The following P2RX3 variants were observed in gnomAD, a reference collection of about 807,000 sequenced individuals.
P2RX3 encodes the protein purinergic receptor P2X 3.
In P2RX3, 41 loss-of-function variants were observed where a neutral mutation model predicts 51.5. That is an observed-to-expected ratio of 0.80 (90% confidence interval 0.62 to 1.03). The LOEUF is 1.03. Among genes scored for constraint, P2RX3 ranks in the 50% least tolerant of loss-of-function variants. P2RX3 has a pLI of 0.00. For missense variants in P2RX3, 459 were observed against 522.1 expected, an observed-to-expected ratio of 0.88 and a Z score of 1.18; for synonymous variants, 185 against 191.6, an observed-to-expected ratio of 0.97 and a Z score of 0.29.
chr11:57,347,304 C>G (rs1856455307), intron 3 of P2RX3, 111 bp from the exon 4 acceptor site: 9 of 1,468,746 alleles, frequency 6.1e-6, no homozygotes, highest in Non-Finnish European at 8.4e-6. Flanking sequence ...CAACTGGGAC[C>G]TGGGACCTCC....
In P2RX3 at chr11:57,343,679, G is replaced by C. The variant is rs189092978; in HGVS notation, c.120-2865G>C. Among the ~76,000 whole-genome samples, 21 of 152,338 alleles carry C rather than the reference G, an allele frequency of 1.4e-4. No individual in the cohort carries two copies. In the East Asian group the frequency reaches 3.7e-3, roughly 27 times the overall value. ...ATCTCCAAATGTTCCTGGACTTTAA[G>C]GACGCAGGGCAGGGGCCTCAGAAAA... On this transcript the variant is annotated intron_variant, in intron 1 of 11. Transcript: ENST00000263314.
intron 1 of P2RX3, 72 bp downstream of exon 1, chr11:57,338,741 G>A: frequency 9.8e-7 from 1 of 1,020,726 alleles, no homozygotes; most frequent in Non-Finnish European, 1.5e-6. Context: ...TCCTGCCTCG[G>A]TGCTACCATC....
chr11:57,350,983 C>A, intron 8 of P2RX3, 85 bp downstream of exon 8: 1 of 1,578,640 alleles, frequency 6.3e-7, no homozygotes, highest in South Asian at 1.1e-5. Context: ...GATCCCACAT[C>A]CATCCACCCA....
At chr11:57,349,979 A>G (rs879068355) in intron 7 of P2RX3, 81 bp downstream of exon 7, 4 of 1,569,658 alleles carry the variant, frequency 2.5e-6, no homozygotes, top group Non-Finnish European at 2.6e-6. Flanking sequence ...TTTGGCCGGC[A>G]CTGGCCAGGA....
At chr11:57,350,185 C>A in intron 7 of P2RX3, 1 of 449,724 alleles carries the variant, frequency 2.2e-6, no homozygotes, top group Non-Finnish European at 4.0e-6. Flanking sequence ...TAATAAGCCC[C>A]AAACGACGGG....
Position 57,338,653 on chromosome 11 carries a change from A to G in P2RX3, c.103A>G (p.Ile35Val), listed in dbSNP as rs1590618386. The change falls in exon 1 of 12, where the codon ATC (isoleucine) becomes GTC (valine). Residue 35 changes from isoleucine (I) to valine (V), a missense_variant. Physicochemically the swap from Ile to Val is conservative, Grantham distance 29. Transcript: ENST00000263314. ...IINRVVQLLI[I>V]SYFVGWVFLH... is the part of the protein sequence containing the mutation. The stretch of plus-strand genomic sequence containing the variant: ...CAACCGAGTAGTTCAGCTTCTGATC[A>G]TCTCCTACTTTGTAGGGTGAGTCTG... 1 of 1,585,940 alleles carries G rather than the reference A, an allele frequency of 6.3e-7. No individual in the cohort carries two copies. Among genetic ancestry groups the G allele is most frequent in the Non-Finnish European group, 8.6e-7 (1 of 1,156,816 alleles).
At chr11:57,346,432 C>A in intron 1 of P2RX3, 112 bp from the exon 2 acceptor site, 1 of 1,350,882 alleles carries the variant, frequency 7.4e-7, no homozygotes, top group Non-Finnish European at 1.0e-6. Flanking sequence ...GAACCATCCG[C>A]ACACCCTGCC....
Position 57,347,458 on chromosome 11 carries a change from C to G in P2RX3, c.371C>G (p.Pro124Arg). ...TGTGTATCAGACAGCCAGTGCGGGC[C>G]TGAGCGCTTGCCAGGTGGGGGTGAG... is the stretch of plus-strand genomic sequence containing the variant. Reference protein sequence around the residue: ...YRCVSDSQCGPERLPGGGILT... With the variant: ...YRCVSDSQCGRERLPGGGILT... Residue 124 changes from proline (P) to arginine (R), a missense_variant, in exon 4 of 12, where the codon CCT (proline) becomes CGT (arginine). Transcript: ENST00000263314. The G allele has an allele frequency of 6.4e-7, 1 of 1,558,294 alleles. No homozygotes were observed. Among genetic ancestry groups the G allele is most frequent in the East Asian group, 2.4e-5 (1 of 41,390 alleles).
chr11:57,368,262 G>A (rs1373600253), intron 9 of P2RX3, 110 bp from the exon 10 acceptor site: 5 of 1,353,924 alleles, frequency 3.7e-6, no homozygotes, highest in East Asian at 2.3e-5. Flanking sequence ...CCCGTGAAGG[G>A]GAGGGATCTG....
chr11:57,370,449 C>T lies in P2RX3; in HGVS notation c.*452C>T, dbSNP rs1856867874. 3 of 155,388 alleles carry T rather than the reference C, an allele frequency of 1.9e-5. No homozygotes were observed. The highest frequency in any genetic ancestry group is 1.9e-4 in the Admixed American group (3 of 15,732). The allele number at this position is 155,388 out of a possible 1,614,324, so 9.6% of individuals were successfully genotyped here. A position where few individuals can be genotyped will look rare whatever the true frequency, so the allele number is the denominator to read the frequency against. ...AGTCATTTGCCCCAGGCCAGATAGC[C>T]AGGATGTGAGAGAGCTGGGATTTGA... On this transcript the variant is annotated 3_prime_UTR_variant, in exon 12 of 12. Transcript: ENST00000263314.
Position 57,350,787 on chromosome 11 carries a change from G to T in P2RX3, c.731G>T (p.Gly244Val). ...GGGGGAGTTCTGGGCATTAAGATCG[G>T]CTGGGTGTGCGACTTGGACAAGGCC... ...RTGGVLGIKIGWVCDLDKAWD... is the reference protein window; with the variant it reads ...RTGGVLGIKIVWVCDLDKAWD... Residue 244 changes from glycine to valine, a missense_variant, in exon 8 of 12, where the codon GGC becomes GTC. By Grantham distance (109) the Gly-to-Val change is moderately radical (BLOSUM62 -3). Transcript: ENST00000263314. 1 of 1,613,998 alleles carries T rather than the reference G, an allele frequency of 6.2e-7. No individual in the cohort carries two copies. The highest frequency in any genetic ancestry group is 8.5e-7 in the Non-Finnish European group (1 of 1,180,002).
At chr11:57,361,837 C>T (rs371344452) in intron 8 of P2RX3, among the ~76,000 whole-genome samples, 7 of 152,104 alleles carry the variant, frequency 4.6e-5, no homozygotes, top group African/African-American at 1.2e-4. Flanking sequence ...ATGGTATTGC[C>T]GGTTTCAGGG....
At position 57,370,369 on chromosome 11, in the gene P2RX3, G is replaced by A. The variant is rs1856866752; in HGVS notation, c.*372G>A. ...CATTTAATCCTTAGAATAATCCTAT[G>A]AGGTAGATATTAGTTTCCCTTGTTT... On this transcript the variant is annotated 3_prime_UTR_variant, in exon 12 of 12. Transcript: ENST00000263314. The A allele has an allele frequency of 1.1e-5, 2 of 178,328 alleles. No individual in the cohort carries two copies. Among genetic ancestry groups the A allele is most frequent in the South Asian group, 3.3e-4 (2 of 5,974 alleles). The allele number at this position is 178,328 out of a possible 1,614,324, so 11.0% of individuals were successfully genotyped here.
rs147357756 is a variant in P2RX3 at position 57,347,124 on chromosome 11, G to A, written c.264G>A (p.Ser88=). Residue 88 remains serine (S), a synonymous_variant, in exon 3 of 12, where the codon TCG becomes TCA. Transcript: ENST00000263314. The part of the protein sequence containing the change: ...SDYVTPPQGT[S]VFVIITKMIV... ...CTTCTTCTCCTCCCAAGGGCACCTC[G>A]GTCTTTGTCATCATCACCAAGATGA... 5.1e-4 allele frequency: 816 copies of A among 1,613,672 alleles called. No individual in the cohort carries two copies. The highest frequency in any genetic ancestry group is 6.7e-4 in the Non-Finnish European group (785 of 1,179,808).
intron 8 of P2RX3, among the ~76,000 whole-genome samples, chr11:57,353,846 C>T (rs117711166): frequency 5.0e-5 from 6 of 120,946 alleles, no homozygotes; most frequent in Non-Finnish European, 7.0e-5. Context: ...CTCCCCCCCC[C>T]CCGCCCCTAT....
intron 1 of P2RX3, among the ~76,000 whole-genome samples, chr11:57,343,269 T>C (rs1856375000): frequency 6.6e-6 from 1 of 151,578 alleles, no homozygotes; most frequent in South Asian, 2.1e-4. Context: ...GAGGAGGAGG[T>C]AGGAGATTGG....
intron 4 of P2RX3, among the ~76,000 whole-genome samples, chr11:57,347,891 A>C (rs1856470505): frequency 6.6e-6 from 1 of 152,216 alleles, no homozygotes; most frequent in South Asian, 2.1e-4. Context: ...CAGAAGGAAC[A>C]GCTGCAGCAC....
rs1298469193 is a variant in P2RX3, at chr11:57,371,287, A to C, written c.*1290A>C. Among the ~76,000 whole-genome samples the C allele has an allele frequency of 6.6e-6, 1 of 152,242 alleles. No individual in the cohort carries two copies. The highest frequency in any genetic ancestry group is 2.4e-5 in the African/African-American group (1 of 41,466). ...TCTGGGGCAGAACCAGGTTTTGTGA[A>C]TCCTAAGCATATACAATTTGGGGGC... On this transcript the variant is annotated 3_prime_UTR_variant, in exon 12 of 12. Coordinates refer to ENST00000263314, the MANE Select transcript of P2RX3 (RefSeq NM_002559.5).
In P2RX3 at chr11:57,370,885, A is replaced by T. The variant is rs546528807; in HGVS notation, c.*888A>T. Among the ~76,000 whole-genome samples the T allele has an allele frequency of 1.1e-3, 173 of 152,282 alleles. No homozygotes were observed. Among genetic ancestry groups the T allele is most frequent in the Non-Finnish European group, 1.9e-3 (127 of 68,026 alleles). On this transcript the variant is annotated 3_prime_UTR_variant, in exon 12 of 12. Coordinates refer to ENST00000263314, the MANE Select transcript of P2RX3 (RefSeq NM_002559.5). ...TCGTAGGCTGGGACCCTGTTCCAGGAGTTCAGCAGTCCTCATTTACAACAA... is the reference window on the plus strand; with the variant it reads ...TCGTAGGCTGGGACCCTGTTCCAGGTGTTCAGCAGTCCTCATTTACAACAA...
Sources: gnomAD v4.1 joint callset for allele counts (sites outside exome capture counted in the v4.1 genomes callset) on GRCh38, gnomAD v4.1.1 for gene constraint, MANE v1.5 for transcripts, NCBI Gene and HGNC (gene_info 2026-07-23, HGNC 2026-07-21) for gene names.